Variants in TTLL5 observed in about 807,000 individuals in gnomAD.
TTLL5 encodes tubulin polyglutamylase TTLL5.
In TTLL5, 132 loss-of-function variants were observed where a neutral mutation model predicts 168.4. That is an observed-to-expected ratio of 0.78 (90% CI 0.68 to 0.91). The LOEUF (loss-of-function observed/expected upper bound fraction) is 0.91, where lower values mean the gene tolerates loss of function less well. Among genes scored for constraint, TTLL5 ranks in the 40% least tolerant of loss-of-function variants. TTLL5 has a pLI of 0.00. For missense variants in TTLL5, 1,545 were observed against 1,581.5 expected, an observed-to-expected ratio of 0.98 and a Z score of 0.39; for synonymous variants, 546 against 558.6, an observed-to-expected ratio of 0.98 and a Z score of 0.32.
chr14:75,764,022 A>T (rs1308420931), intron 18 of TTLL5, among the ~76,000 whole-genome samples: 6 of 152,078 alleles, frequency 3.9e-5, no homozygotes, highest in Admixed American at 1.3e-4. Flanking sequence ...TCATGTTGGG[A>T]TGCTTGAGAC....
intron 9 of TTLL5, 90 bp downstream of exon 9, chr14:75,707,797 A>G: frequency 9.1e-7 from 1 of 1,100,796 alleles, no homozygotes; most frequent in Non-Finnish European, 1.4e-6. Flanking sequence ...TTATTAAATC[A>G]GATCATGCTA....
intron 28 of TTLL5, among the ~76,000 whole-genome samples, chr14:75,823,055 A>C (rs887455432): frequency 6.6e-5 from 10 of 152,160 alleles, no homozygotes; most frequent in African/African-American, 9.7e-5. Flanking sequence ...ATACAGTCAC[A>C]TGTTTAGAAG....
chr14:75,882,801 A>AGTTCTTGCGCCTC lies in TTLL5; in HGVS notation c.3639_3640insGTTCTTGCGCCTC (p.Lys1214ValfsTer54). On this transcript the variant is annotated frameshift_variant, in exon 30 of 32. Transcript: ENST00000298832. LOFTEE classifies it high-confidence loss of function. ...GCCAGAAGCCAACCACTCTGCCACA[A>AGTTCTTGCGCCTC]AAAGTGGTACCACCTCCAAGTTCTT... The AGTTCTTGCGCCTC allele has an allele frequency of 6.2e-7, 1 of 1,614,182 alleles. No individual in the cohort carries two copies. Among genetic ancestry groups the AGTTCTTGCGCCTC allele is most frequent in the Non-Finnish European group, 8.5e-7 (1 of 1,180,032 alleles).
chr14:75,762,108 G>A (rs1463045971), intron 18 of TTLL5, among the ~76,000 whole-genome samples: 1 of 152,008 alleles, frequency 6.6e-6, no homozygotes, highest in South Asian at 2.1e-4. Context: ...AAAAAAAAAT[G>A]TTGGGGGCTG....
At chr14:75,914,033 A>AAAAAATATATATATAT in intron 31 of TTLL5, among the ~76,000 whole-genome samples, 2 of 71,102 alleles carry the variant, frequency 2.8e-5, no homozygotes, top group African/African-American at 3.1e-4. Context: ...AAAAAAAAAA[A>AAAAAATATATATATAT]ATATATATAT....
chr14:75,743,642 C>T (rs1035388156), intron 15 of TTLL5, among the ~76,000 whole-genome samples: 7 of 122,914 alleles, frequency 5.7e-5, no homozygotes, highest in Admixed American at 1.1e-4. Flanking sequence ...AGTGCAGTGG[C>T]GTGATCTCAG....
At chr14:75,696,340 C>G (rs1428955309) in intron 6 of TTLL5, among the ~76,000 whole-genome samples, 1 of 152,026 alleles carries the variant, frequency 6.6e-6, no homozygotes, top group Non-Finnish European at 1.5e-5. Flanking sequence ...ACTGTGCGCC[C>G]CACACCTAGC....
rs1461607432 is a variant in TTLL5 at position 75,763,255 on chromosome 14, C to CTCTGTGTGTGTG, written c.1551-1359_1551-1358insCTGTGTGTGTGT. On this transcript the variant is annotated intron_variant, in intron 18 of 31. Coordinates refer to ENST00000298832, the MANE Select transcript of TTLL5 (RefSeq NM_015072.5). Reference sequence around the variant, plus strand: ...AAAGTTTATTTCTATAGCTCTCTCTCTGTGTGTGTGTGTGTGTGTGTGTGT... The same window carrying CTCTGTGTGTGTG: ...AAAGTTTATTTCTATAGCTCTCTCTCTCTGTGTGTGTGTGTGTGTGTGTGTGTGTGTGTGTGT... Among the ~76,000 whole-genome samples the CTCTGTGTGTGTG allele has an allele frequency of 1.4e-4, 8 of 58,596 alleles. No individual in the cohort carries two copies. The Admixed American group carries it at 1.6e-3, about 12-fold the overall frequency. The allele number at this position is 58,596 out of a possible 152,430, so 38.4% of individuals were successfully genotyped here. A position where few individuals can be genotyped will look rare whatever the true frequency, so the allele number is the denominator to read the frequency against.
chr14:75,850,214 C>T (rs1453304240), intron 28 of TTLL5, among the ~76,000 whole-genome samples: 4 of 151,734 alleles, frequency 2.6e-5, no homozygotes, highest in Non-Finnish European at 4.4e-5. Context: ...CGAGACCAGC[C>T]TGACCAAAAT....
At chr14:75,913,268 C>T (rs990688289) in intron 31 of TTLL5, among the ~76,000 whole-genome samples, 4 of 152,156 alleles carry the variant, frequency 2.6e-5, no homozygotes, top group Non-Finnish European at 5.9e-5. Flanking sequence ...ACCATCTCCC[C>T]ACTTTTGCTC....
intron 6 of TTLL5, among the ~76,000 whole-genome samples, chr14:75,692,888 G>T (rs1011950651): frequency 7.9e-5 from 12 of 152,170 alleles, no homozygotes; most frequent in Non-Finnish European, 1.5e-4. Flanking sequence ...GGTGGCAGTT[G>T]TAAGAGCAGG....
chr14:75,835,067 C>CCAAACAAACAAA (rs148388203), intron 28 of TTLL5, among the ~76,000 whole-genome samples: 1 of 151,978 alleles, frequency 6.6e-6, no homozygotes, highest in African/African-American at 2.4e-5. Flanking sequence ...GACCCTGTCT[C>CCAAACAAACAAA]CAAACAAACA....
rs374071149 is a variant in TTLL5, at chr14:75,669,423, C to T, written c.82C>T (p.Pro28Ser). Residue 28 changes from proline to serine, a missense_variant, in exon 3 of 32, where the codon CCA becomes TCA. Transcript: ENST00000298832. ...GCTTTTTTGTCGTTATAGGGATCATCCATGCATCATGTGGACTGGAGGCTG... is the reference window on the plus strand; with the variant it reads ...GCTTTTTTGTCGTTATAGGGATCATTCATGCATCATGTGGACTGGAGGCTG... Reference protein sequence around the residue: ...DEEVISQEDHPCIMWTGGCRR... With the variant: ...DEEVISQEDHSCIMWTGGCRR... 1.7e-5 allele frequency: 28 copies of T among 1,613,852 alleles called. No individual in the cohort carries two copies. Among genetic ancestry groups the T allele is most frequent in the Non-Finnish European group, 2.4e-5 (28 of 1,179,818 alleles).
chr14:75,782,211 T>A (rs1242478510), intron 24 of TTLL5, among the ~76,000 whole-genome samples: 2 of 152,056 alleles, frequency 1.3e-5, no homozygotes, highest in Non-Finnish European at 2.9e-5. Context: ...AAGCCCTAGC[T>A]TGTTGGCTGT....
Position 75,914,957 on chromosome 14 carries a change from C to T in TTLL5, c.3823+12733C>T, listed in dbSNP as rs115057196. 5.9e-3 allele frequency among the ~76,000 whole-genome samples: 892 copies of T among 152,326 alleles called. 9 individuals are homozygous for T. The highest frequency in any genetic ancestry group is 0.02 in the African/African-American group (832 of 41,578). On this transcript the variant is annotated intron_variant, in intron 31 of 31. Transcript: ENST00000298832. ...TCTTTAGATAACAACATCTGCTACA[C>T]ATTCCCAACCTTACTATAACTTGTT...
At chr14:75,877,572 G>A (rs1311856343) in intron 29 of TTLL5, among the ~76,000 whole-genome samples, 1 of 152,236 alleles carries the variant, frequency 6.6e-6, no homozygotes, top group African/African-American at 2.4e-5. Context: ...TATATGCTGA[G>A]TGTATGTTGA....
intron 26 of TTLL5, among the ~76,000 whole-genome samples, chr14:75,788,959 A>T (rs373830981): frequency 2.0e-5 from 3 of 152,182 alleles, no homozygotes; most frequent in African/African-American, 7.2e-5. Context: ...AAACCTATAA[A>T]TATCATTTGC....
At chr14:75,828,352 C>G (rs563019474) in intron 28 of TTLL5, among the ~76,000 whole-genome samples, 1 of 152,040 alleles carries the variant, frequency 6.6e-6, no homozygotes, top group Admixed American at 6.5e-5. Flanking sequence ...CTGAGGATGA[C>G]GAGAATGAAG....
chr14:75,909,714 A>G (rs2033291348), intron 31 of TTLL5, among the ~76,000 whole-genome samples: 1 of 152,256 alleles, frequency 6.6e-6, no homozygotes, highest in African/African-American at 2.4e-5. Flanking sequence ...TACATCACCC[A>G]GTTCTAAGCA....
Sources: gnomAD v4.1 joint callset for allele counts (sites outside exome capture counted in the v4.1 genomes callset) on GRCh38, gnomAD v4.1.1 for gene constraint, MANE v1.5 for transcripts, NCBI Gene and HGNC (gene_info 2026-07-23, HGNC 2026-07-21) for gene names.